NCOA2: variants seen among roughly 807,000 people sequenced by gnomAD.
NCOA2 encodes the protein class E basic helix-loop-helix protein 75.
A neutral mutation model predicts 145.1 loss-of-function variants in NCOA2; 21 were observed. The ratio of observed to expected loss-of-function variants is 0.14; its 90% confidence interval spans 0.10 to 0.21. NCOA2 has a LOEUF of 0.21. Among genes scored for constraint, NCOA2 ranks in the 10% least tolerant of loss-of-function variants. The pLI is 1.00. For missense variants in NCOA2, 1,472 were observed against 1,837.6 expected (o/e 0.80, Z 3.64); for synonymous variants, 619 against 637.5 (o/e 0.97, Z 0.44).
the NCOA2 span, among the ~76,000 whole-genome samples, chr8:70,436,052 C>T: frequency 1.3e-5 from 2 of 151,980 alleles, no homozygotes; most frequent in African/African-American, 4.8e-5. Flanking sequence ...AAGTTTTATT[C>T]AACTGTGTTT....
chr8:70,183,725 CGCCGTGCTTCT>C (rs1408917899), intron 4 of NCOA2, among the ~76,000 whole-genome samples: 1 of 152,200 alleles, frequency 6.6e-6, no homozygotes, highest in Admixed American at 6.5e-5. Context: ...AGGCCCCTGC[CGCCGTGCTTCT>C]GTGATGCCCT....
At chr8:70,270,800 G>T (rs1291519636) in intron 2 of NCOA2, among the ~76,000 whole-genome samples, 1 of 152,070 alleles carries the variant, frequency 6.6e-6, no homozygotes, top group East Asian at 1.9e-4. Context: ...CAAGGAAAAC[G>T]ATTTTGAAAT....
In NCOA2 at chr8:70,366,521, T is replaced by C. The variant is rs151127520; in HGVS notation, c.-77+37179A>G. On this transcript the variant is annotated intron_variant, in intron 1 of 22. Coordinates refer to ENST00000452400, the MANE Select transcript of NCOA2 (RefSeq NM_006540.4). ...TTTCGGGGGGAGAAGAGTTCATATA[T>C]ATATATATTTAATATGTATATATTA... Among the ~76,000 whole-genome samples, 271 of 151,282 alleles carry C rather than the reference T, an allele frequency of 1.8e-3. 1 individual carries two copies. The highest frequency in any genetic ancestry group is 6.2e-3 in the African/African-American group (256 of 41,356).
intron 2 of NCOA2, among the ~76,000 whole-genome samples, chr8:70,294,048 T>C (rs2135711134): frequency 6.6e-6 from 1 of 152,248 alleles, no homozygotes; most frequent in Middle Eastern, 3.4e-3. Flanking sequence ...TTTTGTCCAC[T>C]TTATAAATTT....
At chr8:70,170,919 T>TA (rs1358752379) in intron 5 of NCOA2, among the ~76,000 whole-genome samples, 3 of 152,192 alleles carry the variant, frequency 2.0e-5, no homozygotes. Flanking sequence ...TTCAGACCTT[T>TA]AAAGAAACAT....
At chr8:70,345,499 T>C (rs1289164303) in intron 1 of NCOA2, among the ~76,000 whole-genome samples, 2 of 152,194 alleles carry the variant, frequency 1.3e-5, no homozygotes, top group South Asian at 2.1e-4. Context: ...TAGAAGTACA[T>C]ATAATGCTTG....
chr8:70,115,968 T>C (rs1425044928), intron 22 of NCOA2, among the ~76,000 whole-genome samples: 1 of 150,676 alleles, frequency 6.6e-6, no homozygotes, highest in African/African-American at 2.4e-5. Flanking sequence ...AGGCAGATCA[T>C]GAGGTTAGGA....
At position 70,131,910 on chromosome 8, in the gene NCOA2, T is replaced by G; in HGVS notation, c.3251A>C (p.Tyr1084Ser). 1 of 1,608,158 alleles carries G rather than the reference T, an allele frequency of 6.2e-7. No individual in the cohort carries two copies. The highest frequency in any genetic ancestry group is 8.5e-7 in the Non-Finnish European group (1 of 1,177,444). ...SDEGALLDQL[Y>S]LALRNFDGLE... ...GCCATCAAAATTCCGCAAGGCCAGATACAGCTGGTCCAGGAGAGCTCCCTC... is the reference window on the plus strand; with the variant it reads ...GCCATCAAAATTCCGCAAGGCCAGAGACAGCTGGTCCAGGAGAGCTCCCTC... The change falls in exon 16 of 23, where the codon TAT (tyrosine) becomes TCT (serine). Residue 1084 changes from tyrosine (Y) to serine (S), a missense_variant. This residue lies in a region of NCOA2 where 953 missense variants were observed against 1,062.1 expected (regional missense o/e 0.90). Transcript: ENST00000452400.
At chr8:70,424,281 A>G in the NCOA2 span, 4 of 382,212 alleles carry the variant, frequency 1.0e-5, no homozygotes, top group Non-Finnish European at 2.0e-5. Flanking sequence ...TATCCAGATC[A>G]TTCGCCAGGA....
intron 1 of NCOA2, among the ~76,000 whole-genome samples, chr8:70,310,072 C>G (rs1828196339): frequency 6.6e-6 from 1 of 151,992 alleles, no homozygotes; most frequent in Admixed American, 6.6e-5. Flanking sequence ...TGGCTCATAC[C>G]TGTAACCCAG....
chr8:70,298,804 G>T (rs548868024), intron 1 of NCOA2, among the ~76,000 whole-genome samples: 1 of 152,186 alleles, frequency 6.6e-6, no homozygotes, highest in Non-Finnish European at 1.5e-5. Context: ...GTTCACACCT[G>T]TAATCCCAGC....
In NCOA2 at chr8:70,144,301, A is replaced by G. The variant is rs117611518; in HGVS notation, c.2812+341T>C. 4.4e-3 allele frequency among the ~76,000 whole-genome samples: 666 copies of G among 152,358 alleles called. 2 individuals carry two copies. The highest frequency in any genetic ancestry group is 7.2e-3 in the Non-Finnish European group (490 of 68,030). ...TTCTCCAAACACAAATAATCAATCCATAAGTTTTTGAGGTATCAGTAAATT... is the reference window on the plus strand; with the variant it reads ...TTCTCCAAACACAAATAATCAATCCGTAAGTTTTTGAGGTATCAGTAAATT... On this transcript the variant is annotated intron_variant, in intron 13 of 22. Coordinates refer to ENST00000452400, the MANE Select transcript of NCOA2 (RefSeq NM_006540.4).
rs199803538 is a variant in NCOA2 at position 70,194,676 on chromosome 8, C to CT, written c.259+19226dup. ...CTGTTTTTCTGGGCTCTTTTATCTTCTTTTTTTTTTTTTTTTTTTTTCCTG... is the reference window on the plus strand; with the variant it reads ...CTGTTTTTCTGGGCTCTTTTATCTTCTTTTTTTTTTTTTTTTTTTTTTCCTG... On this transcript the variant is annotated intron_variant, in intron 4 of 22. Coordinates refer to ENST00000452400, the MANE Select transcript of NCOA2 (RefSeq NM_006540.4). Among the ~76,000 whole-genome samples, 410 of 109,858 alleles carry CT rather than the reference C, an allele frequency of 3.7e-3. 4 individuals are homozygous for CT. Among genetic ancestry groups the CT allele is most frequent in the South Asian group, 0.014 (47 of 3,346 alleles). 72.1% of individuals were successfully genotyped at this position (109,858 alleles called of 152,430 possible).
At chr8:70,403,363 C>T (rs1471700743) in intron 1 of NCOA2, among the ~76,000 whole-genome samples, 1 of 151,210 alleles carries the variant, frequency 6.6e-6, no homozygotes, top group Non-Finnish European at 1.5e-5. Flanking sequence ...CTGCAGCCTC[C>T]GCCCGCCTCG....
chr8:70,153,460 A>G (rs1185240284), intron 11 of NCOA2, among the ~76,000 whole-genome samples: 1 of 152,254 alleles, frequency 6.6e-6, no homozygotes, highest in Admixed American at 6.5e-5. Context: ...GTGCAATCAC[A>G]TAAATAAATA....
chr8:70,193,613 G>A (rs1171056970), intron 4 of NCOA2, among the ~76,000 whole-genome samples: 1 of 152,104 alleles, frequency 6.6e-6, no homozygotes, highest in South Asian at 2.1e-4. Context: ...TCTACCAGAG[G>A]AAAAAAGCTT....
At chr8:70,266,108 C>T (rs1206572131) in intron 2 of NCOA2, among the ~76,000 whole-genome samples, 4 of 152,184 alleles carry the variant, frequency 2.6e-5, no homozygotes, top group African/African-American at 7.2e-5. Context: ...CGAAATCGCG[C>T]TACTGCACTC....
In NCOA2 at chr8:70,397,485, G is replaced by T. The variant is rs546793176; in HGVS notation, c.-77+6215C>A. Among the ~76,000 whole-genome samples, 21 of 148,370 alleles carry T rather than the reference G, an allele frequency of 1.4e-4. No homozygotes were observed. The East Asian group carries it at 4.2e-3, about 29-fold the overall frequency. ...GGAAAAAAAAAAAAAAAAAGAGCAAGAACAAGCTACATCTAGAAAAACTGA... is the reference window on the plus strand; with the variant it reads ...GGAAAAAAAAAAAAAAAAAGAGCAATAACAAGCTACATCTAGAAAAACTGA... On this transcript the variant is annotated intron_variant, in intron 1 of 22. Transcript: ENST00000452400.
At chr8:70,426,936 G>T in the NCOA2 span, among the ~76,000 whole-genome samples, 2 of 152,104 alleles carry the variant, frequency 1.3e-5, no homozygotes, top group Non-Finnish European at 2.9e-5. Context: ...GGTATTACAG[G>T]TGTGTGCCAC....
Sources: gnomAD v4.1 joint callset for allele counts (sites outside exome capture counted in the v4.1 genomes callset) on GRCh38, gnomAD v4.1.1 for gene constraint, gnomAD v4.1.1 regional missense constraint, MANE v1.5 for transcripts, NCBI Gene and HGNC (gene_info 2026-07-23, HGNC 2026-07-21) for gene names.